MEMO1: variants seen among roughly 807,000 people sequenced by gnomAD.
MEMO1 encodes the protein mediator of cell motility 1, also known as protein MEMO1.
Under a neutral mutation model 45.2 loss-of-function variants are expected in MEMO1, and 6 were observed. That is an observed-to-expected ratio of 0.13 (90% CI 0.07 to 0.26). The LOEUF is 0.26. Ranked by LOEUF, MEMO1 falls within the 10% of genes least tolerant of loss-of-function variation. The pLI is 1.00. For missense variants in MEMO1, 184 were observed against 370.5 expected (o/e 0.50, Z 4.13); for synonymous variants, 78 against 124.3 (o/e 0.63, Z 2.48).
At chr2:31,962,164 GGATT>G (rs1308038812) in intron 2 of MEMO1, among the ~76,000 whole-genome samples, 1 of 151,992 alleles carries the variant, frequency 6.6e-6, no homozygotes, top group Non-Finnish European at 1.5e-5. Context: ...CAAGGCGAGA[GGATT>G]GAGTCCAGGA....
rs1558514112 is a variant in MEMO1, at chr2:31,933,339, AAAAAAAAAAATTT to A, written c.144-1217_144-1205del. ...CTTTAAAAAAAAAAAAAAAAAAAAA[AAAAAAAAAAATTT>A]ATATATATATATATATATATATATA... On this transcript the variant is annotated intron_variant, in intron 3 of 9. Coordinates refer to ENST00000404530, the MANE Select transcript of MEMO1 (RefSeq NM_001301833.4). Among the ~76,000 whole-genome samples the A allele has an allele frequency of 1.4e-3, 95 of 66,776 alleles. 2 individuals carry two copies. The highest frequency in any genetic ancestry group is 5.9e-3 in the African/African-American group (90 of 15,202). The allele number at this position is 66,776 out of a possible 152,430, so 43.8% of individuals were successfully genotyped here. A position where few individuals can be genotyped will look rare whatever the true frequency, so the allele number is the denominator to read the frequency against.
chr2:31,909,136 A>C (rs1327597372), intron 6 of MEMO1, among the ~76,000 whole-genome samples: 1 of 152,220 alleles, frequency 6.6e-6, no homozygotes, highest in East Asian at 1.9e-4. Flanking sequence ...CACATATGAC[A>C]AACCCACAGC....
chr2:31,970,224 C>T (rs1211168988), intron 2 of MEMO1, among the ~76,000 whole-genome samples: 5 of 152,130 alleles, frequency 3.3e-5, no homozygotes, highest in African/African-American at 4.8e-5. Flanking sequence ...GCCACCTCGG[C>T]CTCCCAAAGT....
intron 2 of MEMO1, among the ~76,000 whole-genome samples, chr2:31,974,887 T>C (rs1003724883): frequency 6.6e-6 from 1 of 151,944 alleles, no homozygotes; most frequent in Non-Finnish European, 1.5e-5. Context: ...TAAAAAAAAA[T>C]TGGCAGGGCG....
chr2:31,926,233 A>G (rs762232932), intron 4 of MEMO1, among the ~76,000 whole-genome samples: 13 of 152,096 alleles, frequency 8.5e-5, no homozygotes, highest in Non-Finnish European at 1.5e-4. Context: ...ATAGCCAGGC[A>G]TGCTGGCACA....
chr2:31,949,334 A>G (rs1666554474), intron 2 of MEMO1, among the ~76,000 whole-genome samples: 1 of 152,184 alleles, frequency 6.6e-6, no homozygotes, highest in Non-Finnish European at 1.5e-5. Context: ...AGCACAGTTT[A>G]CAATAGCTAA....
chr2:31,992,988 G>A (rs955105370), intron 2 of MEMO1, among the ~76,000 whole-genome samples: 1 of 152,056 alleles, frequency 6.6e-6, no homozygotes, highest in African/African-American at 2.4e-5. Context: ...GGAAAAAAAT[G>A]CTTCCAACTA....
rs920991188 is a variant in MEMO1, at chr2:31,867,827, G to C, written c.*534C>G. 6.6e-6 allele frequency: 1 copy of C among 152,528 alleles called. No individual in the cohort carries two copies. The highest frequency in any genetic ancestry group is 2.4e-5 in the African/African-American group (1 of 41,404). 9.4% of individuals were successfully genotyped at this position (152,528 alleles called of 1,614,324 possible). On this transcript the variant is annotated 3_prime_UTR_variant, in exon 10 of 10. Transcript: ENST00000404530. The stretch of plus-strand genomic sequence containing the variant: ...CAATAAGTTTAAATCAGACTATTTT[G>C]AGTTGTGTAGCCCTTTATTAGCAAC...
intron 2 of MEMO1, 117 bp downstream of exon 2, chr2:32,010,052 GGTCCGCGCCCGGCGGCCC>G (rs1022077894): frequency 4.9e-5 from 12 of 245,892 alleles, no homozygotes; most frequent in East Asian, 3.6e-4. Context: ...CTCCCCACGC[GGTCCGCGCCCGGCGGCCC>G]GTCCGCGCCC....
chr2:31,903,532 G>C (rs3769611), intron 6 of MEMO1, among the ~76,000 whole-genome samples: 1 of 151,916 alleles, frequency 6.6e-6, no homozygotes. Context: ...TAGGCTTTTC[G>C]TGGTCATAGA....
chr2:31,988,761 G>A (rs1234733623), intron 2 of MEMO1, among the ~76,000 whole-genome samples: 1 of 152,084 alleles, frequency 6.6e-6, no homozygotes, highest in South Asian at 2.1e-4. Context: ...TTAATATTCT[G>A]TGCACTTAAA....
At chr2:31,990,489 T>C (rs536498048) in intron 2 of MEMO1, among the ~76,000 whole-genome samples, 1 of 152,100 alleles carries the variant, frequency 6.6e-6, no homozygotes, top group Admixed American at 6.6e-5. Flanking sequence ...TCTGGCTCTG[T>C]CACCCAGGCT....
intron 2 of MEMO1, among the ~76,000 whole-genome samples, 190 bp from the exon 3 acceptor site, chr2:31,943,573 A>G (rs112806057): frequency 6.6e-6 from 1 of 152,224 alleles, no homozygotes; most frequent in African/African-American, 2.4e-5. Flanking sequence ...GATAAGGCCA[A>G]ATTCTGACTA....
chr2:31,884,553 T>A (rs1006407014), intron 7 of MEMO1, among the ~76,000 whole-genome samples: 4 of 152,144 alleles, frequency 2.6e-5, no homozygotes, highest in Non-Finnish European at 5.9e-5. Flanking sequence ...TTCATCTTAC[T>A]AAAAAAATTA....
intron 2 of MEMO1, among the ~76,000 whole-genome samples, chr2:31,948,720 G>A (rs769151968): frequency 6.6e-6 from 1 of 152,166 alleles, no homozygotes; most frequent in African/African-American, 2.4e-5. Flanking sequence ...CCAACGTGCC[G>A]AAACCCCGTC....
chr2:31,994,926 G>A (rs762052478), intron 2 of MEMO1, among the ~76,000 whole-genome samples: 4 of 151,454 alleles, frequency 2.6e-5, no homozygotes, highest in Non-Finnish European at 2.9e-5. Context: ...CGTGCCTTGC[G>A]GTGGGGGTGG....
chr2:31,941,944 T>C (rs1271422973), intron 3 of MEMO1, among the ~76,000 whole-genome samples: 1 of 152,218 alleles, frequency 6.6e-6, no homozygotes, highest in Non-Finnish European at 1.5e-5. Context: ...TTATTATATA[T>C]TGTCATCACT....
At chr2:31,937,542 T>C (rs186955020) in intron 3 of MEMO1, among the ~76,000 whole-genome samples, 250 of 152,334 alleles carry the variant, frequency 1.6e-3, no homozygotes, top group Middle Eastern at 0.01. Context: ...TGCTTCACTA[T>C]ATACAAACTT....
chr2:31,940,233 T>G (rs1030984030), intron 3 of MEMO1, among the ~76,000 whole-genome samples: 31 of 152,338 alleles, frequency 2.0e-4, no homozygotes, highest in Admixed American at 9.8e-4. Flanking sequence ...TTTTATTCCC[T>G]AGGCAACCAT....
Sources: allele counts gnomAD v4.1 joint callset (sites outside exome capture counted in the v4.1 genomes callset), GRCh38; gene constraint gnomAD v4.1.1; transcripts MANE v1.5; gene names NCBI Gene and HGNC (gene_info 2026-07-23, HGNC 2026-07-21).